Variants in GPHN observed in about 807,000 individuals in gnomAD.
GPHN encodes the protein gephyrin.
Under a neutral mutation model 95.5 loss-of-function variants are expected in GPHN, and 17 were observed. The observed-to-expected ratio is 0.18, with a 90% CI of 0.12 to 0.27. The LOEUF (loss-of-function observed/expected upper bound fraction) is 0.27. Among genes scored for constraint, GPHN ranks in the 10% least tolerant of loss-of-function variants. The probability of loss-of-function intolerance (pLI) is 1.00; values close to 1 mark genes in which losing one functional copy is unlikely to be tolerated. For synonymous variants in GPHN, 320 were observed against 322.5 expected, an observed-to-expected ratio of 0.99 and a Z score of 0.08; for missense variants, 660 against 978.1, an observed-to-expected ratio of 0.67 and a Z score of 4.34.
chr14:67,390,590 C>T, the GPHN span: 570 of 1,067,568 alleles, frequency 5.3e-4, 4 homozygotes, highest in East Asian at 0.011. Context: ...AGCCAGCTGC[C>T]CGCCATGCCA....
At chr14:67,684,178 C>G in the GPHN span, among the ~76,000 whole-genome samples, 1 of 152,322 alleles carries the variant, frequency 6.6e-6, no homozygotes, top group South Asian at 2.1e-4. Context: ...TGGGGCTCCT[C>G]CACAAGGCTG....
At position 66,924,259 on chromosome 14, in the gene GPHN, C is replaced by T; in HGVS notation, c.795C>T (p.Leu265=). The T allele has an allele frequency of 1.2e-6, 2 of 1,610,074 alleles. No individual in the cohort carries two copies. The highest frequency in any genetic ancestry group is 1.7e-6 in the Non-Finnish European group (2 of 1,176,340). ...ACGGTGAACAGCCCATCCCTGGTCT[C>T]ATCAATTATTCCCATCATTCAACAG... ...MAHGEQPIPG[L]INYSHHSTDE... Residue 265 remains leucine (L), a synonymous_variant, in exon 8 of 23, where the codon CTC becomes CTT. Coordinates refer to ENST00000478722, the MANE Select transcript of GPHN (RefSeq NM_020806.5).
chr14:67,234,543 GTTC>G, the GPHN span, among the ~76,000 whole-genome samples: 1 of 152,070 alleles, frequency 6.6e-6, no homozygotes, highest in Non-Finnish European at 1.5e-5. Flanking sequence ...AGACATTAGA[GTTC>G]CACTCTTTGC....
At chr14:67,635,358 G>A in the GPHN span, among the ~76,000 whole-genome samples, 4 of 152,224 alleles carry the variant, frequency 2.6e-5, no homozygotes, top group African/African-American at 7.2e-5. Flanking sequence ...CTAAATAACA[G>A]TCTCTTCAAA....
chr14:67,581,957 G>T, the GPHN span: 1 of 1,062,158 alleles, frequency 9.4e-7, no homozygotes. Flanking sequence ...CTCATAAATA[G>T]TGGGAAAAGA....
At chr14:67,133,949 G>C (rs2079882048) in intron 17 of GPHN, among the ~76,000 whole-genome samples, 1 of 152,184 alleles carries the variant, frequency 6.6e-6, no homozygotes, top group Non-Finnish European at 1.5e-5. Flanking sequence ...TGTTTCTTAT[G>C]TTCAAAAATG....
chr14:66,682,550 G>T (rs2067001737), intron 2 of GPHN, among the ~76,000 whole-genome samples: 1 of 152,070 alleles, frequency 6.6e-6, no homozygotes, highest in Non-Finnish European at 1.5e-5. Context: ...AGGAGATCAA[G>T]ACCATCCTGG....
At chr14:67,664,559 C>T in the GPHN span, among the ~76,000 whole-genome samples, 1 of 149,278 alleles carries the variant, frequency 6.7e-6, no homozygotes, top group Non-Finnish European at 1.5e-5. Flanking sequence ...TGCAGTGGCT[C>T]GGTCTCGGTT....
At chr14:66,733,214 G>A (rs758958732) in intron 2 of GPHN, among the ~76,000 whole-genome samples, 12 of 151,880 alleles carry the variant, frequency 7.9e-5, no homozygotes, top group East Asian at 3.9e-4. Context: ...CTTGCTTGTC[G>A]CCACATAAGA....
the GPHN span, among the ~76,000 whole-genome samples, chr14:67,212,288 C>A: frequency 6.6e-6 from 1 of 150,978 alleles, no homozygotes; most frequent in South Asian, 2.1e-4. Context: ...AATGTATCTT[C>A]TTTAAAATGG....
At chr14:67,217,855 T>C in the GPHN span, among the ~76,000 whole-genome samples, 1 of 152,230 alleles carries the variant, frequency 6.6e-6, no homozygotes, top group Admixed American at 6.5e-5. Flanking sequence ...GGAAGTGTCA[T>C]GTATCCTGTG....
chr14:67,591,226 T>G, the GPHN span, among the ~76,000 whole-genome samples: 1 of 152,026 alleles, frequency 6.6e-6, no homozygotes, highest in South Asian at 2.1e-4. Flanking sequence ...AGATACAAAT[T>G]TAATGCCTTT....
intron 2 of GPHN, among the ~76,000 whole-genome samples, chr14:66,772,011 A>G (rs1338232541): frequency 1.3e-5 from 2 of 152,094 alleles, no homozygotes; most frequent in Non-Finnish European, 2.9e-5. Context: ...AACTATTACA[A>G]CTACTGAGAA....
intron 2 of GPHN, among the ~76,000 whole-genome samples, chr14:66,692,566 A>G (rs1330959566): frequency 6.6e-6 from 1 of 152,192 alleles, no homozygotes; most frequent in Non-Finnish European, 1.5e-5. Flanking sequence ...AGGAGAGAGA[A>G]CACAGAAAGC....
chr14:67,359,920 G>T, the GPHN span: 1 of 567,756 alleles, frequency 1.8e-6, no homozygotes, highest in Non-Finnish European at 3.1e-6. Flanking sequence ...CCCGGATGTC[G>T]AGGCGCGCGC....
chr14:66,863,149 A>G (rs977230437), intron 4 of GPHN, among the ~76,000 whole-genome samples: 2 of 152,090 alleles, frequency 1.3e-5, no homozygotes, highest in Non-Finnish European at 2.9e-5. Flanking sequence ...CAAAATCAAC[A>G]TACAAAAATC....
intron 9 of GPHN, among the ~76,000 whole-genome samples, chr14:66,990,267 A>G (rs576664431): frequency 6.6e-6 from 1 of 152,176 alleles, no homozygotes; most frequent in African/African-American, 2.4e-5. Context: ...CTCCCTTGAC[A>G]TGTGGAGATT....
At chr14:66,828,484 T>G (rs1002555525) in intron 4 of GPHN, among the ~76,000 whole-genome samples, 5 of 152,130 alleles carry the variant, frequency 3.3e-5, no homozygotes, top group Non-Finnish European at 7.4e-5. Flanking sequence ...ATTGCCAATA[T>G]TTTTAAATGA....
the GPHN span, among the ~76,000 whole-genome samples, chr14:67,266,348 A>G: frequency 6.6e-6 from 1 of 151,182 alleles, no homozygotes; most frequent in African/African-American, 2.4e-5. Flanking sequence ...TTTTTTTTTG[A>G]GGAGTCTCAC....
Sources: gnomAD v4.1 joint callset for allele counts (sites outside exome capture counted in the v4.1 genomes callset) on GRCh38, gnomAD v4.1.1 for gene constraint, MANE v1.5 for transcripts, NCBI Gene and HGNC (gene_info 2026-07-23, HGNC 2026-07-21) for gene names.